The following PHF14 variants were observed in gnomAD, a reference collection of about 807,000 sequenced individuals.
The protein encoded by PHF14 is PHD finger protein 14.
PHF14 carries 55 observed loss-of-function variants against 117.9 expected under a neutral mutation model. The observed-to-expected ratio is 0.47, with a 90% CI of 0.38 to 0.58. The LOEUF is 0.58. PHF14 is among the 20% of genes least tolerant of loss of function. The pLI is 0.00. For missense variants in PHF14, 978 were observed against 1,122.2 expected (o/e 0.87, Z 1.84); for synonymous variants, 409 against 368.6 (o/e 1.11, Z -1.26).
At chr7:11,025,869 T>C (rs1214614673) in intron 6 of PHF14, among the ~76,000 whole-genome samples, 1 of 151,940 alleles carries the variant, frequency 6.6e-6, no homozygotes, top group Non-Finnish European at 1.5e-5. Flanking sequence ...CCCGACACTT[T>C]GGGAGGCCGA....
chr7:11,153,111 G>A (rs577234420), intron 17 of PHF14, among the ~76,000 whole-genome samples: 5 of 152,276 alleles, frequency 3.3e-5, no homozygotes, highest in African/African-American at 1.2e-4. Flanking sequence ...AAAGATTACT[G>A]TCTCCTGTAT....
At chr7:11,113,993 T>A (rs1327697973) in intron 17 of PHF14, among the ~76,000 whole-genome samples, 1 of 152,098 alleles carries the variant, frequency 6.6e-6, no homozygotes, top group Non-Finnish European at 1.5e-5. Flanking sequence ...TTTGCTTAGG[T>A]GGAATATTAT....
chr7:11,076,802 A>G (rs1051560276), intron 16 of PHF14, among the ~76,000 whole-genome samples: 1 of 151,318 alleles, frequency 6.6e-6, no homozygotes, highest in South Asian at 2.1e-4. Flanking sequence ...TCCTGTTCTC[A>G]AGCAATCCGC....
At chr7:11,085,452 T>A (rs2128337380) in intron 16 of PHF14, among the ~76,000 whole-genome samples, 1 of 152,220 alleles carries the variant, frequency 6.6e-6, no homozygotes, top group East Asian at 1.9e-4. Context: ...CTTAATGGTG[T>A]TGGATACATG....
At chr7:11,008,422 G>C (rs1272203036) in intron 4 of PHF14, among the ~76,000 whole-genome samples, 2 of 152,224 alleles carry the variant, frequency 1.3e-5, no homozygotes, top group East Asian at 3.9e-4. Flanking sequence ...CGGCTGGTGA[G>C]GGAGCATTAC....
At chr7:11,092,591 C>T (rs938138288) in intron 16 of PHF14, among the ~76,000 whole-genome samples, 1 of 152,178 alleles carries the variant, frequency 6.6e-6, no homozygotes, top group South Asian at 2.1e-4. Flanking sequence ...GCAATAGTAC[C>T]TCAGAGTTTA....
chr7:11,069,437 T>A (rs1475569179), intron 16 of PHF14, among the ~76,000 whole-genome samples: 3 of 152,098 alleles, frequency 2.0e-5, no homozygotes, highest in African/African-American at 7.2e-5. Flanking sequence ...TTGAACAGTG[T>A]TTGCTGGGCT....
At chr7:11,031,213 T>G (rs544855489) in intron 7 of PHF14, among the ~76,000 whole-genome samples, 2 of 152,164 alleles carry the variant, frequency 1.3e-5, no homozygotes, top group South Asian at 4.1e-4. Flanking sequence ...GGTTGAAAAA[T>G]AGAATAAACA....
At chr7:10,991,045 C>T (rs919690021) in intron 4 of PHF14, among the ~76,000 whole-genome samples, 198 bp downstream of exon 4, 4 of 152,224 alleles carry the variant, frequency 2.6e-5, no homozygotes, top group Non-Finnish European at 5.9e-5. Flanking sequence ...GGCTGGAGTG[C>T]AGTGGCACAA....
chr7:11,087,104 T>G (rs1786441167), intron 16 of PHF14, among the ~76,000 whole-genome samples: 2 of 152,162 alleles, frequency 1.3e-5, no homozygotes, highest in Non-Finnish European at 2.9e-5. Flanking sequence ...TCCCTTTTCA[T>G]TCTATTCTGA....
At position 11,123,093 on chromosome 7, in the gene PHF14, C is replaced by G. The variant is rs150393329; in HGVS notation, c.2772+11626C>G. On this transcript the variant is annotated intron_variant, in intron 17 of 17. Coordinates refer to ENST00000634607, the MANE Select transcript of PHF14 (RefSeq NM_001007157.2). ...CCATTTCTTTGGTTTTTTTGATAGG[C>G]TTCTCTAGGTTGGTTTCACAGTCTT... Among the ~76,000 whole-genome samples the G allele has an allele frequency of 6.3e-3, 965 of 152,188 alleles. 9 individuals carry two copies. Among genetic ancestry groups the G allele is most frequent in the African/African-American group, 0.022 (919 of 41,532 alleles).
chr7:11,034,539 A>ATTTT lies in PHF14; in HGVS notation c.1456-1077_1456-1074dup, dbSNP rs56043099. On this transcript the variant is annotated intron_variant, in intron 7 of 17. Transcript: ENST00000634607. ...ACAGGGCTTAGAATTTCTTAATTCT[A>ATTTT]TTTTTTTTTTTTTTTTTTTTTTTTT... is the stretch of plus-strand genomic sequence containing the variant. Among the ~76,000 whole-genome samples, 198 of 63,094 alleles carry ATTTT rather than the reference A, an allele frequency of 3.1e-3. 44 individuals are homozygous for ATTTT. The East Asian group carries it at 0.036, about 12-fold the overall frequency. 41.4% of individuals were successfully genotyped at this position (63,094 alleles called of 152,430 possible). A position where few individuals can be genotyped will look rare whatever the true frequency, so the allele number is the denominator to read the frequency against.
intron 17 of PHF14, among the ~76,000 whole-genome samples, chr7:11,155,228 G>A (rs1288346543): frequency 6.6e-6 from 1 of 152,144 alleles, no homozygotes; most frequent in East Asian, 1.9e-4. Context: ...AAAAGTTTAA[G>A]TGATTTCTTC....
intron 17 of PHF14, among the ~76,000 whole-genome samples, chr7:11,160,476 A>G (rs1562490610): frequency 6.6e-6 from 1 of 152,138 alleles, no homozygotes; most frequent in Non-Finnish European, 1.5e-5. Context: ...TCTCCAAACT[A>G]CTTTTCACAG....
At chr7:11,102,808 T>G in intron 16 of PHF14, 1 of 1,301,232 alleles carries the variant, frequency 7.7e-7, no homozygotes, top group South Asian at 1.9e-5. Flanking sequence ...TGTGCATTGT[T>G]GAAAAATACT....
intron 4 of PHF14, chr7:11,006,440 A>C (rs1783100007): frequency 1.9e-6 from 1 of 531,180 alleles, no homozygotes; most frequent in Non-Finnish European, 3.7e-6. Context: ...AAAGCATTGT[A>C]ATCAGGAGCC....
At chr7:10,979,461 C>T (rs1029899951) in intron 2 of PHF14, among the ~76,000 whole-genome samples, 11 of 151,126 alleles carry the variant, frequency 7.3e-5, no homozygotes, top group Admixed American at 2.0e-4. Context: ...TTTTTTCAAA[C>T]GTAAGAAAGG....
intron 4 of PHF14, among the ~76,000 whole-genome samples, chr7:11,005,905 G>T (rs1402532955): frequency 7.1e-6 from 1 of 141,160 alleles, no homozygotes; most frequent in Non-Finnish European, 1.5e-5. Context: ...CGATTCTCCC[G>T]CCTCAGCCTC....
At chr7:11,069,302 GT>G (rs1330865177) in intron 16 of PHF14, among the ~76,000 whole-genome samples, 2 of 152,152 alleles carry the variant, frequency 1.3e-5, no homozygotes, top group African/African-American at 4.8e-5. Flanking sequence ...GGTTCCTGCT[GT>G]TTTATGGACC....
Sources: allele counts gnomAD v4.1 joint callset (sites outside exome capture counted in the v4.1 genomes callset), GRCh38; gene constraint gnomAD v4.1.1; transcripts MANE v1.5; gene names NCBI Gene and HGNC (gene_info 2026-07-23, HGNC 2026-07-21).